PLCH1: variants seen among roughly 807,000 people sequenced by gnomAD.
PLCH1 encodes phospholipase C eta 1, also known as 1-phosphatidylinositol 4,5-bisphosphate phosphodiesterase eta-1.
A neutral mutation model predicts 126.7 loss-of-function variants in PLCH1; 60 were observed. That is an observed-to-expected ratio of 0.47 (90% CI 0.38 to 0.59). The LOEUF is 0.59. Ranked by LOEUF, PLCH1 falls within the 20% of genes least tolerant of loss-of-function variation. PLCH1 has a pLI of 0.00. For missense variants in PLCH1, 1,723 were observed against 2,040.0 expected (o/e 0.84, Z 2.99); for synonymous variants, 719 against 734.9 (o/e 0.98, Z 0.35).
chr3:155,556,185 T>G (rs1428953490), intron 8 of PLCH1, among the ~76,000 whole-genome samples: 1 of 152,172 alleles, frequency 6.6e-6, no homozygotes, highest in African/African-American at 2.4e-5. Context: ...AAACCCCTTC[T>G]CCGCTAAAAA....
At chr3:155,504,224 G>A (rs563177705) in intron 13 of PLCH1, among the ~76,000 whole-genome samples, 1 of 151,974 alleles carries the variant, frequency 6.6e-6, no homozygotes, top group Non-Finnish European at 1.5e-5. Context: ...ATATATTCAG[G>A]ATAGAATATA....
chr3:155,631,641 G>C (rs1738035649), intron 2 of PLCH1, among the ~76,000 whole-genome samples: 1 of 152,164 alleles, frequency 6.6e-6, no homozygotes, highest in South Asian at 2.1e-4. Context: ...ACCGTAATCA[G>C]AAATCTTTTT....
chr3:155,717,030 T>C (rs982561916), intron 1 of PLCH1, among the ~76,000 whole-genome samples: 5 of 152,214 alleles, frequency 3.3e-5, no homozygotes, highest in Admixed American at 2.6e-4. Context: ...AAGGCAGAAA[T>C]TGACCAAAAG....
At chr3:155,493,217 A>G (rs917846555) in intron 17 of PLCH1, among the ~76,000 whole-genome samples, 3 of 152,256 alleles carry the variant, frequency 2.0e-5, no homozygotes, top group African/African-American at 7.2e-5. Context: ...ACTTGAAATT[A>G]AGTAAACAGC....
intron 11 of PLCH1, among the ~76,000 whole-genome samples, chr3:155,515,991 A>G (rs1045586357): frequency 1.8e-4 from 27 of 152,234 alleles, no homozygotes; most frequent in African/African-American, 6.5e-4. Context: ...GCAATTATAA[A>G]TGCCCTAAGG....
At chr3:155,567,194 T>A (rs1338643425) in intron 7 of PLCH1, among the ~76,000 whole-genome samples, 1 of 152,096 alleles carries the variant, frequency 6.6e-6, no homozygotes, top group Non-Finnish European at 1.5e-5. Context: ...TGCCTCAGTT[T>A]CCTGAGTAGC....
intron 1 of PLCH1, among the ~76,000 whole-genome samples, chr3:155,717,171 A>G (rs1002706786): frequency 2.0e-5 from 3 of 152,262 alleles, no homozygotes; most frequent in Non-Finnish European, 4.4e-5. Flanking sequence ...TGGGCTCCCA[A>G]GACCTTGGGC....
chr3:155,637,942 C>A (rs1309567109), intron 2 of PLCH1, among the ~76,000 whole-genome samples: 3 of 152,182 alleles, frequency 2.0e-5, no homozygotes, highest in African/African-American at 7.2e-5. Context: ...GTGCACTAGC[C>A]AGTGCACAAA....
rs1166293915 is a variant in PLCH1 at position 155,693,327 on chromosome 3, C to T, written c.79+10819G>A. 5.4e-5 allele frequency among the ~76,000 whole-genome samples: 4 copies of T among 74,148 alleles called. 2 individuals carry two copies. Among genetic ancestry groups the T allele is most frequent in the Non-Finnish European group, 8.7e-5 (4 of 45,980 alleles). The allele number at this position is 74,148 out of a possible 152,430, so 48.6% of individuals were successfully genotyped here. ...AAAAATACAAAAAATTAGCCGGGCG[C>T]GGTGGCGGGCGCCTGTAGTCCCAGC... On this transcript the variant is annotated intron_variant, in intron 2 of 22. Transcript: ENST00000460012.
chr3:155,616,392 G>T (rs1375411686), intron 2 of PLCH1, among the ~76,000 whole-genome samples: 1 of 152,100 alleles, frequency 6.6e-6, no homozygotes, highest in African/African-American at 2.4e-5. Context: ...AATTAAAATG[G>T]CATCATTTAG....
At chr3:155,693,467 G>A (rs1181734551) in intron 2 of PLCH1, among the ~76,000 whole-genome samples, 1 of 22,002 alleles carries the variant, frequency 4.5e-5, no homozygotes, top group Non-Finnish European at 5.8e-5. Context: ...GCGAGACTCC[G>A]TCTCAAAAAA....
Position 155,480,678 on chromosome 3 carries a change from C to T in PLCH1, c.*290G>A, listed in dbSNP as rs1238460467. 2 of 311,720 alleles carry T rather than the reference C, an allele frequency of 6.4e-6. No individual in the cohort carries two copies. Among genetic ancestry groups the T allele is most frequent in the South Asian group, 6.5e-5 (1 of 15,298 alleles). 19.3% of individuals were successfully genotyped at this position (311,720 alleles called of 1,614,324 possible). ...AGGACATCTTGGTGAAACACACACA[C>T]ATTATAACCCGAGCTGCTGAGGAGT... On this transcript the variant is annotated 3_prime_UTR_variant, in exon 23 of 23. Coordinates refer to ENST00000460012, the MANE Select transcript of PLCH1 (RefSeq NM_014996.4).
At chr3:155,638,057 C>A (rs1406751915) in intron 2 of PLCH1, among the ~76,000 whole-genome samples, 4 of 152,204 alleles carry the variant, frequency 2.6e-5, no homozygotes, top group African/African-American at 9.6e-5. Flanking sequence ...TTTGGCACAT[C>A]TACTGATGGC....
At chr3:155,601,001 G>A (rs1352310172) in intron 2 of PLCH1, among the ~76,000 whole-genome samples, 1 of 152,158 alleles carries the variant, frequency 6.6e-6, no homozygotes, top group Non-Finnish European at 1.5e-5. Flanking sequence ...TTTAGACGGA[G>A]TCTCGCTCTG....
intron 13 of PLCH1, among the ~76,000 whole-genome samples, chr3:155,502,626 A>G (rs1001093481): frequency 6.6e-6 from 1 of 152,226 alleles, no homozygotes; most frequent in African/African-American, 2.4e-5. Flanking sequence ...TGAATCACCA[A>G]TGACAGATAA....
intron 6 of PLCH1, among the ~76,000 whole-genome samples, chr3:155,575,438 T>A (rs533061706): frequency 1.4e-3 from 206 of 152,232 alleles, no homozygotes; most frequent in African/African-American, 4.9e-3. Context: ...ATAAAGGGGC[T>A]AAAGGTGCAA....
intron 10 of PLCH1, among the ~76,000 whole-genome samples, chr3:155,537,503 C>T (rs1201022984): frequency 2.0e-5 from 3 of 151,930 alleles, no homozygotes; most frequent in South Asian, 4.1e-4. Flanking sequence ...CTTCAAAAAA[C>T]TCACATAAGA....
intron 2 of PLCH1, among the ~76,000 whole-genome samples, chr3:155,690,893 G>A (rs944582313): frequency 6.6e-6 from 1 of 152,124 alleles, no homozygotes; most frequent in Non-Finnish European, 1.5e-5. Context: ...CCCTGGTGGG[G>A]CTGAGAGTCT....
At chr3:155,586,980 G>T (rs1368977040) in intron 4 of PLCH1, among the ~76,000 whole-genome samples, 1 of 152,068 alleles carries the variant, frequency 6.6e-6, no homozygotes, top group Non-Finnish European at 1.5e-5. Context: ...ACCTCCAATA[G>T]CAAACTCCAT....
Sources: allele counts gnomAD v4.1 joint callset (sites outside exome capture counted in the v4.1 genomes callset), GRCh38; gene constraint gnomAD v4.1.1; transcripts MANE v1.5; gene names NCBI Gene and HGNC (gene_info 2026-07-23, HGNC 2026-07-21).